Variants in DLK1 observed in about 807,000 individuals in gnomAD.
DLK1 encodes protein delta homolog 1.
In DLK1, 9 loss-of-function variants were observed where a neutral mutation model predicts 35.2. The observed-to-expected ratio is 0.26, with a 90% confidence interval of 0.15 to 0.45. The LOEUF (loss-of-function observed/expected upper bound fraction) is 0.45, where lower values mean the gene tolerates loss of function less well. Ranked by LOEUF, DLK1 falls within the 20% of genes least tolerant of loss-of-function variation. The probability of loss-of-function intolerance (pLI) is 1.00; values close to 1 mark genes in which losing one functional copy is unlikely to be tolerated. For missense variants in DLK1, 522 were observed against 528.5 expected (o/e 0.99, Z 0.12); for synonymous variants, 231 against 228.4 (o/e 1.01, Z -0.10).
chr14:100,735,054 ATGC>A lies in DLK1; in HGVS notation c.*159_*161del. ...TTTGTGCTGCTGTGTGACAAACGCA[ATGC>A]AAAAACAATCCTCTTTCTCTCTCTT... On this transcript the variant is annotated 3_prime_UTR_variant, in exon 5 of 5. Transcript: ENST00000341267. 1.1e-6 allele frequency: 1 copy of A among 885,778 alleles called. No homozygotes were observed. The highest frequency in any genetic ancestry group is 1.6e-6 in the Non-Finnish European group (1 of 623,072). 54.9% of individuals were successfully genotyped at this position (885,778 alleles called of 1,614,324 possible). A position where few individuals can be genotyped will look rare whatever the true frequency, so the allele number is the denominator to read the frequency against.
intron 3 of DLK1, among the ~76,000 whole-genome samples, chr14:100,730,364 G>C (rs989509155): frequency 1.3e-5 from 2 of 152,184 alleles, no homozygotes; most frequent in Non-Finnish European, 2.9e-5. Flanking sequence ...AAATTTTCCG[G>C]ACAAATGCCT....
At chr14:100,727,166 C>G in intron 1 of DLK1, 31 bp downstream of exon 1, 1 of 1,538,494 alleles carries the variant, frequency 6.5e-7, no homozygotes. Flanking sequence ...GCTCGCGCCC[C>G]CTCTGGGGAA....
rs2036514403 is a variant in DLK1, at chr14:100,732,044, G to A, written c.265G>A (p.Val89Ile). The change falls in exon 4 of 5, where the codon GTT becomes ATT. Residue 89 changes from valine (V) to isoleucine (I), a missense_variant and splice_region_variant. By Grantham distance (29) the Val-to-Ile change is conservative. Coordinates refer to ENST00000341267, the MANE Select transcript of DLK1 (RefSeq NM_003836.7). ...TCGTCTTCCCCGTCACCCCGCAGAT[G>A]TTCGGGCCTGCTCCTCGGCCCCCTG... ...GWDGELCDRDVRACSSAPCAN... is the reference protein window; with the variant it reads ...GWDGELCDRDIRACSSAPCAN... The A allele has an allele frequency of 6.2e-7, 1 of 1,612,474 alleles. No homozygotes were observed. Among genetic ancestry groups the A allele is most frequent in the Non-Finnish European group, 8.5e-7 (1 of 1,179,112 alleles).
chr14:100,733,113 G>T (rs1485739680), intron 4 of DLK1, among the ~76,000 whole-genome samples: 1 of 152,226 alleles, frequency 6.6e-6, no homozygotes, highest in East Asian at 1.9e-4. Flanking sequence ...CAGAGTGGGG[G>T]CTGGTGAAGA....
At position 100,736,086 on chromosome 14, in the gene DLK1, A is replaced by T. The variant is rs1250443751; in HGVS notation, c.*1190A>T. 6.6e-6 allele frequency: 1 copy of T among 152,054 alleles called. No homozygotes were observed. Among genetic ancestry groups the T allele is most frequent in the East Asian group, 1.9e-4 (1 of 5,184 alleles). The allele number at this position is 152,054 out of a possible 1,614,324, so 9.4% of individuals were successfully genotyped here. On this transcript the variant is annotated 3_prime_UTR_variant, in exon 5 of 5. Transcript: ENST00000341267. ...ATGTGGTCCAAGACCTGGCCCACAC[A>T]GCCATGGGTTTACATTTGTGTTGCT...
Position 100,727,032 on chromosome 14 carries a change from G to C in DLK1, c.-37G>C, listed in dbSNP as rs757280551. The C allele has an allele frequency of 7.1e-6, 11 of 1,539,706 alleles. No homozygotes were observed. Among genetic ancestry groups the C allele is most frequent in the Non-Finnish European group, 9.6e-6 (11 of 1,146,172 alleles). On this transcript the variant is annotated 5_prime_UTR_variant, in exon 1 of 5. Coordinates refer to ENST00000341267, the MANE Select transcript of DLK1 (RefSeq NM_003836.7). ...GGCGCCAGGAGCCGGACCCGCGCCC[G>C]CACCGCTCCCGGGACCGCGACCCCG... is the stretch of plus-strand genomic sequence containing the variant.
chr14:100,735,186 CA>C lies in DLK1; in HGVS notation c.*299del, dbSNP rs1216378905. 116 of 289,928 alleles carry C rather than the reference CA, an allele frequency of 4.0e-4. No individual in the cohort carries two copies. Among genetic ancestry groups the C allele is most frequent in the East Asian group, 5.2e-4 (8 of 15,438 alleles). The allele number at this position is 289,928 out of a possible 1,614,324, so 18.0% of individuals were successfully genotyped here. ...ACTCAAATGAAATTTCAAAAAAGAC[CA>C]AAAAAAAACAAGGCAACAGAACCAG... is the stretch of plus-strand genomic sequence containing the variant. On this transcript the variant is annotated 3_prime_UTR_variant, in exon 5 of 5. Coordinates refer to ENST00000341267, the MANE Select transcript of DLK1 (RefSeq NM_003836.7).
intron 3 of DLK1, 102 bp from the exon 4 acceptor site, chr14:100,731,933 TCCAGACC>T (rs2036512155): frequency 5.7e-6 from 8 of 1,411,400 alleles, no homozygotes; most frequent in Non-Finnish European, 7.5e-6. Flanking sequence ...ACCCTCTTAC[TCCAGACC>T]CCACTCGGTG....
rs141718023 is a variant in DLK1 at position 100,734,618 on chromosome 14, C to T, written c.874C>T (p.Leu292Phe). Residue 292 changes from leucine (L) to phenylalanine (F), a missense_variant, in exon 5 of 5, where the codon CTC becomes TTC. Leu to Phe is a conservative substitution (Grantham distance 22). Transcript: ENST00000341267. This position sits in a 1 kb window ranked among gnomAD's most constrained non-coding sequence, Gnocchi z 7.4. ...CATCCTGAAGGTGTCCATGAAAGAG[C>T]TCAACAAGAAAACCCCTCTCCTCAC... ...HRILKVSMKE[L>F]NKKTPLLTEG... 5.1e-4 allele frequency: 817 copies of T among 1,613,890 alleles called. 2 individuals carry two copies. Among genetic ancestry groups the T allele is most frequent in the Non-Finnish European group, 6.2e-4 (734 of 1,180,050 alleles).
At position 100,737,524 on chromosome 14, in the gene DLK1, T is replaced by A. The variant is rs922104986; in HGVS notation, c.*2628T>A. On this transcript the variant is annotated 3_prime_UTR_variant, in exon 5 of 5. Coordinates refer to ENST00000341267, the MANE Select transcript of DLK1 (RefSeq NM_003836.7). ...AAAAAGACGTCCCACGGTCGAGGTA[T>A]CCTTGACCAACTCCCCATCCATTCA... is the stretch of plus-strand genomic sequence containing the variant. The A allele has an allele frequency of 6.6e-6, 1 of 152,208 alleles. No homozygotes were observed. The highest frequency in any genetic ancestry group is 1.5e-5 in the Non-Finnish European group (1 of 68,080). 9.4% of individuals were successfully genotyped at this position (152,208 alleles called of 1,614,324 possible).
In DLK1 at chr14:100,728,576, C is replaced by G. The variant is rs573410025; in HGVS notation, c.131+117C>G. On this transcript the variant is annotated intron_variant, in intron 2 of 4. Coordinates refer to ENST00000341267, the MANE Select transcript of DLK1 (RefSeq NM_003836.7). ...CCACTACGCTGCAGCAAACAGCTTCCGGGCCCCTGCAGAAAACTGGTGGGG... is the reference window on the plus strand; with the variant it reads ...CCACTACGCTGCAGCAAACAGCTTCGGGGCCCCTGCAGAAAACTGGTGGGG... 21 of 901,630 alleles carry G rather than the reference C, an allele frequency of 2.3e-5. No individual in the cohort carries two copies. The Admixed American group carries it at 4.7e-4, about 20-fold the overall frequency. The allele number at this position is 901,630 out of a possible 1,614,324, so 55.9% of individuals were successfully genotyped here.
In DLK1 at chr14:100,728,921, C is replaced by T; in HGVS notation, c.132-15C>T. 1 of 1,613,072 alleles carries T rather than the reference C, an allele frequency of 6.2e-7. No individual in the cohort carries two copies. The highest frequency in any genetic ancestry group is 8.5e-7 in the Non-Finnish European group (1 of 1,179,546). On this transcript the variant is annotated splice_polypyrimidine_tract_variant and intron_variant, in intron 2 of 4. Coordinates refer to ENST00000341267, the MANE Select transcript of DLK1 (RefSeq NM_003836.7). ...CTCTTCATATGTCCCCACCTTTCTC[C>T]CCCACCCATTGCAGGTGCCAGCCTG... is the stretch of plus-strand genomic sequence containing the variant.
intron 1 of DLK1, 107 bp downstream of exon 1, chr14:100,727,242 C>G: frequency 8.5e-7 from 1 of 1,180,726 alleles, no homozygotes; most frequent in Non-Finnish European, 1.1e-6. Context: ...CAACTCCGCC[C>G]GTCCCGCCTA....
chr14:100,726,945 C>G lies in DLK1; in HGVS notation c.-124C>G, dbSNP rs2036440453. 1.0e-5 allele frequency: 10 copies of G among 969,468 alleles called. No individual in the cohort carries two copies. Among genetic ancestry groups the G allele is most frequent in the Non-Finnish European group, 1.2e-5 (9 of 723,118 alleles). The allele number at this position is 969,468 out of a possible 1,614,324, so 60.1% of individuals were successfully genotyped here. A position where few individuals can be genotyped will look rare whatever the true frequency, so the allele number is the denominator to read the frequency against. On this transcript the variant is annotated 5_prime_UTR_variant, in exon 1 of 5. Transcript: ENST00000341267. The surrounding 1 kb of genome is among the most constrained non-coding windows in gnomAD (Gnocchi z 4.2). ...GCGCAGCGCGCAGCCCGGTGCAGCC[C>G]TGGCTTTCCCCTCGCTGCGCGCCCG...
chr14:100,731,075 C>T (rs1171574072), intron 3 of DLK1, among the ~76,000 whole-genome samples: 1 of 150,970 alleles, frequency 6.6e-6, no homozygotes. Context: ...GCTGAAGAGT[C>T]CCTCAGAGAT....
intron 3 of DLK1, among the ~76,000 whole-genome samples, chr14:100,730,749 C>CTAA (rs2036497604): frequency 6.6e-6 from 1 of 152,222 alleles, no homozygotes; most frequent in Non-Finnish European, 1.5e-5. Context: ...GCGCCACGTG[C>CTAA]TAATGCCTTG....
chr14:100,734,880 G>A lies in DLK1; in HGVS notation c.1136G>A (p.Gly379Asp). 6.3e-7 allele frequency: 1 copy of A among 1,591,012 alleles called. No homozygotes were observed. Among genetic ancestry groups the A allele is most frequent in the Non-Finnish European group, 8.5e-7 (1 of 1,171,086 alleles). ...ATGACCACCTTCAGCAAGGAGGCCG[G>A]CGACGAGGAGATCTAAGCAGCGTTC... ...IDMTTFSKEA[G>D]DEEI The change falls in exon 5 of 5, where the codon GGC becomes GAC. Residue 379 changes from glycine (G) to aspartate (D), a missense_variant. Transcript: ENST00000341267. The surrounding 1 kb of genome is among the most constrained non-coding windows in gnomAD (Gnocchi z 7.4).
chr14:100,726,987 C>T lies in DLK1; in HGVS notation c.-82C>T. On this transcript the variant is annotated 5_prime_UTR_variant, in exon 1 of 5. Transcript: ENST00000341267. This position sits in a 1 kb window ranked among gnomAD's most constrained non-coding sequence, Gnocchi z 4.2. ...GCGCGCCCGCGCCCCCTTTCGCGTCCGCAACCAGAAGCCCAGTGCGGCGCC... is the reference window on the plus strand; with the variant it reads ...GCGCGCCCGCGCCCCCTTTCGCGTCTGCAACCAGAAGCCCAGTGCGGCGCC... 1 of 1,360,388 alleles carries T rather than the reference C, an allele frequency of 7.4e-7. No individual in the cohort carries two copies. The highest frequency in any genetic ancestry group is 9.6e-7 in the Non-Finnish European group (1 of 1,043,166). The allele number at this position is 1,360,388 out of a possible 1,614,324, so 84.3% of individuals were successfully genotyped here.
chr14:100,728,348 G>T (rs1394883882), intron 1 of DLK1, 48 bp from the exon 2 acceptor site: 3 of 1,607,932 alleles, frequency 1.9e-6, no homozygotes, highest in Non-Finnish European at 2.6e-6. Context: ...CCTTTGCCTT[G>T]GCCTGGGGCC....
Sources: gnomAD v4.1 joint callset for allele counts (sites outside exome capture counted in the v4.1 genomes callset) on GRCh38, gnomAD v4.1.1 for gene constraint, Gnocchi (gnomAD v3.1) non-coding constraint, MANE v1.5 for transcripts, NCBI Gene and HGNC (gene_info 2026-07-23, HGNC 2026-07-21) for gene names.